Variants in TMCO5A observed in about 807,000 individuals in gnomAD.
TMCO5A encodes transmembrane and coiled-coil domain-containing protein 5A.
A neutral mutation model predicts 42.3 loss-of-function variants in TMCO5A; 34 were observed. The observed-to-expected ratio is 0.80, with a 90% CI of 0.61 to 1.07. The LOEUF is 1.07. TMCO5A is among the 50% of genes least tolerant of loss of function. The pLI is 0.00. For synonymous variants in TMCO5A, 131 were observed against 115.6 expected (o/e 1.13, Z -0.86); for missense variants, 357 against 327.9 (o/e 1.09, Z -0.69).
chr15:37,941,270 T>A, intron 7 of TMCO5A, 65 bp downstream of exon 7: 1 of 1,493,368 alleles, frequency 6.7e-7, no homozygotes, highest in Non-Finnish European at 9.3e-7. Context: ...GGTCAGGCAA[T>A]CTATTTCTCA....
downstream of TMCO5A, among the ~76,000 whole-genome samples, chr15:37,954,732 T>A (rs888889643): frequency 4.6e-5 from 7 of 152,026 alleles, no homozygotes; most frequent in Non-Finnish European, 8.8e-5. Flanking sequence ...AAATAATAAC[T>A]ATAACAACTT....
the TMCO5A span, among the ~76,000 whole-genome samples, chr15:38,009,369 C>T: frequency 5.9e-5 from 9 of 152,294 alleles, no homozygotes; most frequent in Admixed American, 3.9e-4. Context: ...TTCTTTAGAC[C>T]TTCAACACCA....
At chr15:38,037,511 C>T in the TMCO5A span, among the ~76,000 whole-genome samples, 1 of 152,110 alleles carries the variant, frequency 6.6e-6, no homozygotes, top group African/African-American at 2.4e-5. Flanking sequence ...AGGACCTGTA[C>T]AATAGGAAGA....
At chr15:38,040,472 T>C in the TMCO5A span, 3 of 152,154 alleles carry the variant, frequency 2.0e-5, no homozygotes, top group African/African-American at 7.2e-5. Flanking sequence ...AATAAAAATA[T>C]ATGTCCGTGC....
the TMCO5A span, among the ~76,000 whole-genome samples, chr15:38,034,882 G>C: frequency 6.6e-6 from 1 of 152,010 alleles, no homozygotes; most frequent in Non-Finnish European, 1.5e-5. Flanking sequence ...GATCTTATGG[G>C]ACAAAAGAAC....
the TMCO5A span, among the ~76,000 whole-genome samples, chr15:38,000,724 C>T: frequency 8.6e-5 from 13 of 152,006 alleles, no homozygotes; most frequent in Non-Finnish European, 1.3e-4. Context: ...TCATTTATTT[C>T]AAGAAGACTT....
intron 11 of TMCO5A, among the ~76,000 whole-genome samples, chr15:37,964,464 GT>G (rs548786439): frequency 0.016 from 2,427 of 150,754 alleles, 73 homozygotes; most frequent in African/African-American, 0.056. Flanking sequence ...CAGAATTGCT[GT>G]TTTTTTTTCT....
At chr15:37,965,094 C>A (rs536354010) in intron 11 of TMCO5A, among the ~76,000 whole-genome samples, 78 of 152,156 alleles carry the variant, frequency 5.1e-4, no homozygotes, top group African/African-American at 1.8e-3. Flanking sequence ...TAATAGAGAA[C>A]CCAGAAACAA....
At chr15:37,963,132 G>C (rs763539896) in intron 11 of TMCO5A, among the ~76,000 whole-genome samples, 61 of 151,964 alleles carry the variant, frequency 4.0e-4, no homozygotes, top group Admixed American at 6.6e-4. Flanking sequence ...GTTCCTTGAG[G>C]TGTGACCTTC....
At chr15:37,989,399 GTTTA>G in the TMCO5A span, among the ~76,000 whole-genome samples, 4 of 151,892 alleles carry the variant, frequency 2.6e-5, no homozygotes, top group East Asian at 5.8e-4. Flanking sequence ...CATTTAAGTA[GTTTA>G]TTTGAGATTT....
intron 5 of TMCO5A, among the ~76,000 whole-genome samples, chr15:37,937,878 A>T (rs1358620462): frequency 6.6e-6 from 1 of 152,124 alleles, no homozygotes; most frequent in Non-Finnish European, 1.5e-5. Flanking sequence ...AGTATAAAGT[A>T]GCCTTCTACT....
chr15:37,947,787 C>G (rs1249952815), intron 11 of TMCO5A, 91 bp downstream of exon 11: 2 of 801,860 alleles, frequency 2.5e-6, no homozygotes, highest in Non-Finnish European at 4.2e-6. Context: ...CAAGGAGAGC[C>G]TTGTATATGC....
the TMCO5A span, among the ~76,000 whole-genome samples, chr15:38,033,956 A>G: frequency 2.0e-5 from 3 of 152,160 alleles, no homozygotes; most frequent in Non-Finnish European, 4.4e-5. Context: ...ATAACAAAAT[A>G]CCCAAGACAA....
chr15:38,028,217 A>G, the TMCO5A span, among the ~76,000 whole-genome samples: 1 of 152,228 alleles, frequency 6.6e-6, no homozygotes, highest in Non-Finnish European at 1.5e-5. Context: ...TTTCTTCATC[A>G]GTAACCTGAG....
chr15:37,988,388 A>G, the TMCO5A span, among the ~76,000 whole-genome samples: 1 of 151,998 alleles, frequency 6.6e-6, no homozygotes, highest in African/African-American at 2.4e-5. Flanking sequence ...ACTATGTTGA[A>G]TAGAAATGGC....
intron 11 of TMCO5A, among the ~76,000 whole-genome samples, chr15:37,957,973 AAAAC>A (rs1338633796): frequency 1.3e-5 from 2 of 152,204 alleles, no homozygotes; most frequent in African/African-American, 4.8e-5. Flanking sequence ...AAACCTGACA[AAAAC>A]AAGCAATGGG....
intron 11 of TMCO5A, among the ~76,000 whole-genome samples, chr15:37,948,576 A>G (rs1426636259): frequency 6.6e-6 from 1 of 152,112 alleles, no homozygotes; most frequent in Non-Finnish European, 1.5e-5. Flanking sequence ...CTTATACTCC[A>G]ACACAAGGGC....
At position 37,936,946 on chromosome 15, in the gene TMCO5A, G is replaced by A. The variant is rs376434269; in HGVS notation, c.240G>A (p.Glu80=). The stretch of plus-strand genomic sequence containing the variant: ...TGGAAAGGGAAAGAGCCTTGCAGGA[G>A]CTGGAGGAAGAAACAGCCAGACTTG... ...TTMERERALQ[E]LEEETARLER... Residue 80 remains glutamate, a synonymous_variant, in exon 4 of 12, where the codon GAG becomes GAA. Transcript: ENST00000319669. The A allele has an allele frequency of 3.7e-6, 6 of 1,612,368 alleles. No homozygotes were observed. In the African/African-American group the frequency reaches 6.7e-5, roughly 18 times the overall value.
At chr15:37,947,533 C>T in intron 10 of TMCO5A, 123 bp from the exon 11 acceptor site, 1 of 665,006 alleles carries the variant, frequency 1.5e-6, no homozygotes, top group Non-Finnish European at 2.6e-6. Flanking sequence ...TGTGCTTATG[C>T]ATATAAAAAG....
Sources: allele counts gnomAD v4.1 joint callset (sites outside exome capture counted in the v4.1 genomes callset), GRCh38; gene constraint gnomAD v4.1.1; transcripts MANE v1.5; gene names NCBI Gene and HGNC (gene_info 2026-07-23, HGNC 2026-07-21).